The following A2ML1 variants were observed in gnomAD, a reference collection of about 807,000 sequenced individuals.
The protein encoded by A2ML1 is alpha-2-macroglobulin like 1, also known as alpha-2-macroglobulin-like protein 1.
Under a neutral mutation model 181.9 loss-of-function variants are expected in A2ML1, and 161 were observed. The observed-to-expected ratio is 0.89, with a 90% CI of 0.78 to 1.01. The LOEUF (loss-of-function observed/expected upper bound fraction) is 1.01, where lower values mean the gene tolerates loss of function less well. Among genes scored for constraint, A2ML1 ranks in the 50% least tolerant of loss-of-function variants. The pLI is 0.00. For synonymous variants in A2ML1, 663 were observed against 666.8 expected (o/e 0.99, Z 0.09); for missense variants, 1,670 against 1,768.1 (o/e 0.94, Z 1.00).
intron 29 of A2ML1, among the ~76,000 whole-genome samples, chr12:8,866,262 G>A (rs1049671089): frequency 7.5e-5 from 9 of 119,594 alleles, no homozygotes; most frequent in African/African-American, 1.7e-4. Context: ...CCAAGATCGC[G>A]CCACTGCACT....
Position 8,874,506 on chromosome 12 carries a change from G to A in A2ML1, c.4303G>A (p.Val1435Ile). 2 of 1,613,840 alleles carry A rather than the reference G, an allele frequency of 1.2e-6. No individual in the cohort carries two copies. Among genetic ancestry groups the A allele is most frequent in the South Asian group, 1.1e-5 (1 of 91,064 alleles). ...VTNLKPATIKVYDYYLPDEQA... is the reference protein window; with the variant it reads ...VTNLKPATIKIYDYYLPDEQA... ...CAACTTGAAACCAGCAACCATCAAG[G>A]TCTATGACTACTACCTACCAGGTGA... Residue 1435 changes from valine to isoleucine, a missense_variant, in exon 34 of 36, where the codon GTC (valine) becomes ATC (isoleucine). Physicochemically the swap from Val to Ile is conservative, Grantham distance 29. Transcript: ENST00000299698.
At chr12:8,865,412 G>A (rs1451683777) in intron 29 of A2ML1, among the ~76,000 whole-genome samples, 8 of 152,076 alleles carry the variant, frequency 5.3e-5, no homozygotes, top group Admixed American at 4.6e-4. Flanking sequence ...GGTGGCGGGT[G>A]CCTGTAATCC....
intron 26 of A2ML1, among the ~76,000 whole-genome samples, chr12:8,859,156 C>A (rs1005051324): frequency 4.6e-5 from 7 of 151,808 alleles, no homozygotes; most frequent in Non-Finnish European, 1.0e-4. Context: ...CTGTCCCAAG[C>A]AGAGGGCGAG....
In A2ML1 at chr12:8,851,771, T is replaced by C; in HGVS notation, c.2235-13T>C. ...GCTACCTCTGCCTCATGTTGGTCCTTGTGTTTTCACAGTAACTCGGGGAAG... is the reference window on the plus strand; with the variant it reads ...GCTACCTCTGCCTCATGTTGGTCCTCGTGTTTTCACAGTAACTCGGGGAAG... On this transcript the variant is annotated splice_polypyrimidine_tract_variant and intron_variant, in intron 18 of 35. Transcript: ENST00000299698. 6.2e-7 allele frequency: 1 copy of C among 1,613,610 alleles called. No individual in the cohort carries two copies. The highest frequency in any genetic ancestry group is 1.1e-5 in the South Asian group (1 of 91,038).
intron 7 of A2ML1, 23 bp from the exon 8 acceptor site, chr12:8,837,417 C>G: frequency 6.2e-7 from 1 of 1,612,242 alleles, no homozygotes; most frequent in Admixed American, 1.7e-5. Context: ...CCAACTCTGA[C>G]TCCTTATGCT....
At chr12:8,884,120 G>A (rs1359270022) in intron 7 of A2ML1, among the ~76,000 whole-genome samples, 1 of 152,090 alleles carries the variant, frequency 6.6e-6, no homozygotes, top group Non-Finnish European at 1.5e-5. Flanking sequence ...TAGTGTGTGT[G>A]AAGTGGTATC....
downstream of A2ML1, among the ~76,000 whole-genome samples, chr12:8,880,336 A>G (rs774896501): frequency 2.6e-5 from 4 of 152,100 alleles, no homozygotes; most frequent in Admixed American, 1.3e-4. Flanking sequence ...ACTGCACTCC[A>G]GGAGCCTGGG....
rs11312111 is a variant in A2ML1, at chr12:8,847,987, GA to G, written c.1833+305del. Among the ~76,000 whole-genome samples, 58,097 of 125,616 alleles carry G rather than the reference GA, an allele frequency of 0.46. 12,510 individuals are homozygous for G. Among genetic ancestry groups the G allele is most frequent in the East Asian group, 0.76 (3,453 of 4,518 alleles). The allele number at this position is 125,616 out of a possible 152,430, so 82.4% of individuals were successfully genotyped here. Reference sequence around the variant, plus strand: ...AAACTCTGTCTCTACTAAAAATCCAGAAAAAAAAAAAAAAAATTAACTGGGC... The same window carrying G: ...AAACTCTGTCTCTACTAAAAATCCAGAAAAAAAAAAAAAAATTAACTGGGC... On this transcript the variant is annotated intron_variant, in intron 15 of 35. Coordinates refer to ENST00000299698, the MANE Select transcript of A2ML1 (RefSeq NM_144670.6).
chr12:8,859,401 G>A lies in A2ML1; in HGVS notation c.3264+1299G>A, dbSNP rs778625489. 3.9e-5 allele frequency among the ~76,000 whole-genome samples: 6 copies of A among 152,008 alleles called. No homozygotes were observed. The South Asian group carries it at 1.0e-3, about 26-fold the overall frequency. On this transcript the variant is annotated intron_variant, in intron 26 of 35. Transcript: ENST00000299698. ...CTCTTATACACTGTATGAAATATGC[G>A]TGGGGGCCAGGCGCAGTGGCTCATG...
intron 34 of A2ML1, 84 bp downstream of exon 34, chr12:8,874,611 C>T: frequency 1.9e-6 from 2 of 1,051,474 alleles, no homozygotes; most frequent in Non-Finnish European, 2.8e-6. Context: ...TGGCTTCTCT[C>T]TTAATTTTAC....
At chr12:8,834,525 G>A in intron 4 of A2ML1, 137 bp from the exon 5 acceptor site, 2 of 1,044,726 alleles carry the variant, frequency 1.9e-6, no homozygotes, top group Non-Finnish European at 1.4e-6. Context: ...GGGCACAAAA[G>A]AGCCATTTAG....
intron 10 of A2ML1, 22 bp from the exon 11 acceptor site, chr12:8,841,347 C>T (rs374335176): frequency 2.7e-5 from 43 of 1,607,032 alleles, no homozygotes; most frequent in East Asian, 6.7e-5. Context: ...AATTCTAATC[C>T]GTAATGATCT....
chr12:8,857,880 A>G, intron 25 of A2ML1, 66 bp from the exon 26 acceptor site: 1 of 1,579,480 alleles, frequency 6.3e-7, no homozygotes, highest in Non-Finnish European at 8.6e-7. Flanking sequence ...CAAATAAATG[A>G]AGAAATGATT....
intron 7 of A2ML1, among the ~76,000 whole-genome samples, chr12:8,884,156 G>A (rs1944896070): frequency 6.6e-6 from 1 of 151,602 alleles, no homozygotes; most frequent in Non-Finnish European, 1.5e-5. Context: ...ATCCTCTGAT[G>A]AAAAAGGATC....
At chr12:8,841,658 C>G in intron 11 of A2ML1, 122 bp downstream of exon 11, 1 of 1,041,002 alleles carries the variant, frequency 9.6e-7, no homozygotes, top group South Asian at 1.8e-5. Context: ...CTCACAAGTC[C>G]TGCTCTCCCG....
chr12:8,836,152 G>T, intron 6 of A2ML1, 103 bp from the exon 7 acceptor site: 1 of 868,716 alleles, frequency 1.2e-6, no homozygotes, highest in Non-Finnish European at 1.9e-6. Flanking sequence ...TCCTTCATTA[G>T]ATCCATTAAT....
chr12:8,845,874 T>TAAAATA (rs1368546381), intron 13 of A2ML1, among the ~76,000 whole-genome samples: 3 of 97,872 alleles, frequency 3.1e-5, no homozygotes, highest in African/African-American at 1.7e-4. Context: ...ATAAATAAAA[T>TAAAATA]AAAATAAAAT....
intron 3 of A2ML1, among the ~76,000 whole-genome samples, chr12:8,828,952 C>T (rs1943019818): frequency 6.6e-6 from 1 of 152,210 alleles, no homozygotes; most frequent in African/African-American, 2.4e-5. Flanking sequence ...AGCCAAGTCC[C>T]ACAGTCACTG....
chr12:8,850,363 T>A, intron 18 of A2ML1, 89 bp downstream of exon 18: 2 of 951,942 alleles, frequency 2.1e-6, no homozygotes, highest in South Asian at 3.5e-5. Flanking sequence ...GGAGGGAGGA[T>A]CACTTGAGAC....
Sources: allele counts gnomAD v4.1 joint callset (sites outside exome capture counted in the v4.1 genomes callset), GRCh38; gene constraint gnomAD v4.1.1; transcripts MANE v1.5; gene names NCBI Gene and HGNC (gene_info 2026-07-23, HGNC 2026-07-21).